Variants in PGLYRP4 observed in about 807,000 individuals in gnomAD.
PGLYRP4 encodes the protein PGRP-I-beta.
Under a neutral mutation model 41.2 loss-of-function variants are expected in PGLYRP4, and 39 were observed. That is an observed-to-expected ratio of 0.95 (90% CI 0.73 to 1.24). The LOEUF (loss-of-function observed/expected upper bound fraction) is 1.24. Ranked by LOEUF, PGLYRP4 falls within the 50% of genes most tolerant of loss-of-function variation. PGLYRP4 has a pLI of 0.00. For synonymous variants in PGLYRP4, 202 were observed against 186.8 expected (o/e 1.08, Z -0.66); for missense variants, 467 against 460.7 (o/e 1.01, Z -0.13).
At chr1:153,334,028 C>T (rs1317296251) in intron 8 of PGLYRP4, among the ~76,000 whole-genome samples, 2 of 152,130 alleles carry the variant, frequency 1.3e-5, no homozygotes, top group East Asian at 1.9e-4. Flanking sequence ...TTCACCACTC[C>T]TATTCAACAC....
intron 8 of PGLYRP4, among the ~76,000 whole-genome samples, chr1:153,335,109 G>A (rs2916220): frequency 0.41 from 62,469 of 151,976 alleles, 13,366 homozygotes; most frequent in Non-Finnish European, 0.47. Flanking sequence ...AAAACCCAGG[G>A]AAAAACTCTT....
At chr1:153,340,630 G>C (rs1465790612) in intron 6 of PGLYRP4, 51 bp from the exon 7 acceptor site, 4 of 1,567,552 alleles carry the variant, frequency 2.6e-6, no homozygotes, top group Admixed American at 3.4e-5. Context: ...ATCTATGCCA[G>C]CCACTTCTCC....
At chr1:153,331,880 A>T (rs1660351571) in intron 8 of PGLYRP4, among the ~76,000 whole-genome samples, 1 of 152,236 alleles carries the variant, frequency 6.6e-6, no homozygotes, top group Admixed American at 6.5e-5. Context: ...TACAAAACTC[A>T]CAGGACTTAT....
In PGLYRP4 at chr1:153,347,563, G is replaced by A. The variant is rs111304082; in HGVS notation, c.49+321C>T. On this transcript the variant is annotated intron_variant, in intron 2 of 8. Coordinates refer to ENST00000359650, the MANE Select transcript of PGLYRP4 (RefSeq NM_020393.4). ...TAATTTTTGTATTTTTAGTAGAGAC[G>A]TGGTTTCACCATGTTGGCCAGGATG... Among the ~76,000 whole-genome samples, 160 of 152,048 alleles carry A rather than the reference G, an allele frequency of 1.1e-3. 1 individual carries two copies. The highest frequency in any genetic ancestry group is 3.4e-3 in the Middle Eastern group (1 of 292).
intron 3 of PGLYRP4, among the ~76,000 whole-genome samples, 187 bp from the exon 4 acceptor site, chr1:153,345,569 G>A (rs1244509351): frequency 1.3e-5 from 2 of 152,118 alleles, no homozygotes; most frequent in Non-Finnish European, 2.9e-5. Context: ...CTCTGCACCT[G>A]GCCAGGGAGC....
intron 7 of PGLYRP4, among the ~76,000 whole-genome samples, chr1:153,338,049 C>T (rs1660639640): frequency 6.6e-6 from 1 of 152,212 alleles, no homozygotes; most frequent in South Asian, 2.1e-4. Context: ...AACCCATCCA[C>T]TTCCTTGGCT....
intron 3 of PGLYRP4, 77 bp downstream of exon 3, chr1:153,346,025 G>A: frequency 9.3e-7 from 1 of 1,077,680 alleles, no homozygotes; most frequent in Non-Finnish European, 1.4e-6. Context: ...TGGCTTTGCA[G>A]ACCTCAGAAA....
intron 1 of PGLYRP4, among the ~76,000 whole-genome samples, chr1:153,348,299 G>A (rs1281909103): frequency 6.6e-6 from 1 of 152,186 alleles, no homozygotes; most frequent in East Asian, 1.9e-4. Flanking sequence ...TACAGACAAA[G>A]GAAGTAAGAT....
chr1:153,347,841 C>T, intron 2 of PGLYRP4, 43 bp downstream of exon 2: 3 of 1,409,850 alleles, frequency 2.1e-6, no homozygotes, highest in Non-Finnish European at 3.0e-6. Context: ...ACTTTAGGAT[C>T]ACCCTTCTCG....
Position 153,330,884 on chromosome 1 carries a change from G to T in PGLYRP4, c.1005C>A (p.Val335=). 6.2e-7 allele frequency: 1 copy of T among 1,614,028 alleles called. No individual in the cohort carries two copies. The highest frequency in any genetic ancestry group is 1.1e-5 in the South Asian group (1 of 91,052). The part of the protein sequence containing the change: ...AAQDLIQCAM[V]KGYLTPNYLL... ...GGTAGTTGGGAGTCAGGTACCCTTT[G>T]ACCATGGCACACTGGATCAGGTCTT... is the stretch of plus-strand genomic sequence containing the variant. The change falls in exon 9 of 9, where the codon GTC becomes GTA. Residue 335 remains valine (V), a synonymous_variant. Transcript: ENST00000359650.
chr1:153,338,852 T>C (rs539256657), intron 7 of PGLYRP4, among the ~76,000 whole-genome samples: 3 of 152,336 alleles, frequency 2.0e-5, no homozygotes, highest in South Asian at 4.1e-4. Flanking sequence ...CCTATAATAA[T>C]GTTTAACCTA....
At chr1:153,343,359 C>G in intron 4 of PGLYRP4, 151 bp from the exon 5 acceptor site, 1 of 608,886 alleles carries the variant, frequency 1.6e-6, no homozygotes, top group African/African-American at 1.8e-5. Flanking sequence ...TTGAAAAGAG[C>G]AAGTCATTTA....
intron 2 of PGLYRP4, among the ~76,000 whole-genome samples, chr1:153,346,682 G>C (rs1315413514): frequency 6.6e-6 from 1 of 152,172 alleles, no homozygotes; most frequent in East Asian, 1.9e-4. Flanking sequence ...GGATGGGCAG[G>C]GTGTTGATTG....
chr1:153,346,334 T>C, intron 2 of PGLYRP4, 143 bp from the exon 3 acceptor site: 1 of 680,826 alleles, frequency 1.5e-6, no homozygotes, highest in South Asian at 1.7e-5. Context: ...GAAATCTCTC[T>C]GGGCTGACCA....
intron 5 of PGLYRP4, 30 bp downstream of exon 5, chr1:153,343,060 T>C: frequency 7.2e-7 from 1 of 1,392,664 alleles, no homozygotes; most frequent in Non-Finnish European, 1.0e-6. Context: ...AGAGAACTCT[T>C]TGGAGAAGGT....
At chr1:153,335,354 A>T (rs906492803) in intron 8 of PGLYRP4, among the ~76,000 whole-genome samples, 2 of 152,242 alleles carry the variant, frequency 1.3e-5, no homozygotes, top group Non-Finnish European at 2.9e-5. Context: ...TAAGGAAAAA[A>T]GTCAGCTCAT....
intron 5 of PGLYRP4, among the ~76,000 whole-genome samples, chr1:153,342,346 G>A (rs3014861): frequency 0.81 from 123,151 of 152,186 alleles, 50,155 homozygotes; most frequent in Middle Eastern, 0.87. Flanking sequence ...TAAAAGATAT[G>A]GACCATGTTC....
At chr1:153,341,538 C>T (rs746375844) in intron 6 of PGLYRP4, 89 bp downstream of exon 6, 10 of 1,191,728 alleles carry the variant, frequency 8.4e-6, no homozygotes, top group Non-Finnish European at 1.2e-5. Flanking sequence ...TCTAATGGGC[C>T]CTACTGAAAA....
chr1:153,346,295 G>T, intron 2 of PGLYRP4, 104 bp from the exon 3 acceptor site: 1 of 840,880 alleles, frequency 1.2e-6, no homozygotes, highest in Non-Finnish European at 2.0e-6. Context: ...CTGCCCCTCT[G>T]CCTCCTCAAA....
Sources: allele counts gnomAD v4.1 joint callset (sites outside exome capture counted in the v4.1 genomes callset), GRCh38; gene constraint gnomAD v4.1.1; transcripts MANE v1.5; gene names NCBI Gene and HGNC (gene_info 2026-07-23, HGNC 2026-07-21).